EPHX1: variants seen among roughly 807,000 people sequenced by gnomAD.
EPHX1 encodes epoxide hydrolase 1.
A neutral mutation model predicts 43.2 loss-of-function variants in EPHX1; 40 were observed. The observed-to-expected ratio is 0.93, with a 90% confidence interval of 0.72 to 1.21. EPHX1 has a LOEUF of 1.21. EPHX1 is among the 50% of genes most tolerant of loss of function. The pLI is 0.00. For missense variants in EPHX1, 550 were observed against 570.4 expected (o/e 0.96, Z 0.36); for synonymous variants, 221 against 226.7 (o/e 0.98, Z 0.22).
chr1:225,820,703 G>A (rs1666942355), intron 1 of EPHX1, among the ~76,000 whole-genome samples: 1 of 151,728 alleles, frequency 6.6e-6, no homozygotes, highest in Non-Finnish European at 1.5e-5. Flanking sequence ...TTTTTCTCCT[G>A]GTAAACTCCT....
At position 225,830,891 on chromosome 1, in the gene EPHX1, G is replaced by A. The variant is rs45591536; in HGVS notation, c.184-888G>A. ...TGTTTTAGCACAGCGCCCATGCCAA[G>A]AATAGTGTTTACCTCTTTAAATAGT... On this transcript the variant is annotated intron_variant, in intron 2 of 8. Coordinates refer to ENST00000272167, the MANE Select transcript of EPHX1 (RefSeq NM_001136018.4). 2.9e-3 allele frequency among the ~76,000 whole-genome samples: 435 copies of A among 152,226 alleles called. 2 individuals are homozygous for A. The highest frequency in any genetic ancestry group is 0.01 in the African/African-American group (421 of 41,518).
In EPHX1 at chr1:225,840,015, G is replaced by A. The variant is rs1173721999; in HGVS notation, c.909G>A (p.Gln303=). 6.2e-7 allele frequency: 1 copy of A among 1,614,020 alleles called. No homozygotes were observed. Among genetic ancestry groups the A allele is most frequent in the African/African-American group, 1.3e-5 (1 of 74,922 alleles). ...GGGAGAGCGGCTACATGCACATCCA[G>A]TGCACCAAGCCTGACACCGTAGGTG... ...LMRESGYMHI[Q]CTKPDTVGSA... Residue 303 remains glutamine (Q), a synonymous_variant, in exon 6 of 9, where the codon CAG becomes CAA. Coordinates refer to ENST00000272167, the MANE Select transcript of EPHX1 (RefSeq NM_001136018.4).
intron 1 of EPHX1, among the ~76,000 whole-genome samples, chr1:225,813,974 G>A (rs1014598048): frequency 2.6e-5 from 4 of 152,210 alleles, no homozygotes; most frequent in East Asian, 1.9e-4. Flanking sequence ...TTCTTAGGTC[G>A]GGAGCAGGAG....
intron 5 of EPHX1, 47 bp downstream of exon 5, chr1:225,839,393 G>GTT: frequency 6.2e-7 from 1 of 1,607,778 alleles, no homozygotes. Context: ...GTGTGTGTGT[G>GTT]TGTGTGTGTC....
intron 1 of EPHX1, 107 bp from the exon 2 acceptor site, chr1:225,828,618 C>G (rs1245585450): frequency 4.2e-6 from 4 of 957,070 alleles, no homozygotes; most frequent in Non-Finnish European, 6.4e-6. Flanking sequence ...AAATCAGGGA[C>G]AGGGTTGGAG....
intron 1 of EPHX1, among the ~76,000 whole-genome samples, chr1:225,828,396 C>T (rs988657923): frequency 3.3e-5 from 5 of 151,552 alleles, no homozygotes; most frequent in Non-Finnish European, 5.9e-5. Context: ...ACCCCCTACC[C>T]AGGGCTGTGC....
chr1:225,839,681 C>T (rs1420244716), intron 5 of EPHX1, 148 bp from the exon 6 acceptor site: 1 of 956,142 alleles, frequency 1.0e-6, no homozygotes, highest in African/African-American at 1.6e-5. Context: ...TTCTCCAACT[C>T]CCATGGCCTC....
In EPHX1 at chr1:225,839,299, G is replaced by A. The variant is rs768999912; in HGVS notation, c.675G>A (p.Gly225=). 6.2e-6 allele frequency: 10 copies of A among 1,614,012 alleles called. No individual in the cohort carries two copies. The highest frequency in any genetic ancestry group is 8.5e-6 in the Non-Finnish European group (10 of 1,180,032). ...LGFQEFYIQG[G]DWGSLICTNM... ...TCCAGGAATTCTACATTCAAGGAGGGGACTGGGGGTCCCTGATCTGCACTA... is the reference window on the plus strand; with the variant it reads ...TCCAGGAATTCTACATTCAAGGAGGAGACTGGGGGTCCCTGATCTGCACTA... Residue 225 remains glycine, a synonymous_variant, in exon 5 of 9, where the codon GGG becomes GGA. Coordinates refer to ENST00000272167, the MANE Select transcript of EPHX1 (RefSeq NM_001136018.4).
At chr1:225,834,919 C>T (rs147726373) in intron 3 of EPHX1, among the ~76,000 whole-genome samples, 1 of 152,234 alleles carries the variant, frequency 6.6e-6, no homozygotes, top group Non-Finnish European at 1.5e-5. Context: ...GGACAGGGTC[C>T]CTCCTTCACA....
chr1:225,832,815 T>C (rs1667688328), intron 3 of EPHX1, among the ~76,000 whole-genome samples: 1 of 152,246 alleles, frequency 6.6e-6, no homozygotes, highest in Non-Finnish European at 1.5e-5. Context: ...ATGTTGAGCA[T>C]TTTTTATGCG....
At chr1:225,832,874 T>C (rs968691395) in intron 3 of EPHX1, among the ~76,000 whole-genome samples, 1 of 152,270 alleles carries the variant, frequency 6.6e-6, no homozygotes, top group East Asian at 1.9e-4. Flanking sequence ...TCTGTTCATG[T>C]CTTTTGTCCA....
At position 225,845,328 on chromosome 1, in the gene EPHX1, CG is replaced by C; in HGVS notation, c.1351del (p.Val451CysfsTer65). On this transcript the variant is annotated frameshift_variant, in exon 9 of 9. Transcript: ENST00000272167. LOFTEE classifies it high-confidence loss of function. ...GCCCAGGACATCCGCAAGTTCCTGT[CG>C]GTGCTGGAGCGGCAATGACCCACCC... ...LLAQDIRKFLSVLERQ is the reference protein window; with the variant it reads ...LLAQDIRKFLXVLERQ 3.7e-6 allele frequency: 6 copies of C among 1,611,296 alleles called. No homozygotes were observed. Among genetic ancestry groups the C allele is most frequent in the Non-Finnish European group, 5.1e-6 (6 of 1,179,936 alleles).
intron 4 of EPHX1, 102 bp from the exon 5 acceptor site, chr1:225,839,115 C>T: frequency 6.3e-7 from 1 of 1,580,258 alleles, no homozygotes; most frequent in Non-Finnish European, 8.6e-7. Flanking sequence ...TGACCTCCAC[C>T]TGGGGGTAGG....
intron 5 of EPHX1, 81 bp downstream of exon 5, chr1:225,839,427 A>G: frequency 6.3e-7 from 1 of 1,587,354 alleles, no homozygotes; most frequent in Non-Finnish European, 8.5e-7. Flanking sequence ...ACCTGTGTGC[A>G]GGGTGGGCCA....
intron 1 of EPHX1, among the ~76,000 whole-genome samples, chr1:225,819,430 C>G (rs1480560330): frequency 6.6e-6 from 1 of 151,640 alleles, no homozygotes; most frequent in Admixed American, 6.6e-5. Flanking sequence ...AAAAAGATTG[C>G]TGTGGCTTCA....
intron 1 of EPHX1, among the ~76,000 whole-genome samples, chr1:225,816,966 G>GC (rs1226303571): frequency 6.6e-6 from 1 of 152,202 alleles, no homozygotes; most frequent in Non-Finnish European, 1.5e-5. Context: ...CAGCACTCCT[G>GC]CCCCCAAGAA....
At chr1:225,845,080 C>A in intron 8 of EPHX1, 66 bp from the exon 9 acceptor site, 2 of 1,574,120 alleles carry the variant, frequency 1.3e-6, no homozygotes, top group Non-Finnish European at 1.7e-6. Flanking sequence ...CTTTAACCCC[C>A]TGCTGTGCAG....
chr1:225,845,033 T>C, intron 8 of EPHX1, 113 bp from the exon 9 acceptor site: 1 of 1,138,538 alleles, frequency 8.8e-7, no homozygotes, highest in Non-Finnish European at 1.3e-6. Context: ...TCTTTATGGC[T>C]CCTTGTGGGT....
intron 1 of EPHX1, among the ~76,000 whole-genome samples, chr1:225,816,273 A>G (rs1162373369): frequency 6.6e-6 from 1 of 152,216 alleles, no homozygotes; most frequent in African/African-American, 2.4e-5. Flanking sequence ...AGCCTGGGCA[A>G]TAAAGCAAGG....
Sources: allele counts gnomAD v4.1 joint callset (sites outside exome capture counted in the v4.1 genomes callset), GRCh38; gene constraint gnomAD v4.1.1; transcripts MANE v1.5; gene names NCBI Gene and HGNC (gene_info 2026-07-23, HGNC 2026-07-21).